Variants in ULK4 observed in about 807,000 individuals in gnomAD.
ULK4 encodes inactive serine/threonine-protein kinase ULK4.
Under a neutral mutation model 160.6 loss-of-function variants are expected in ULK4, and 133 were observed. The ratio of observed to expected loss-of-function variants is 0.83; its 90% CI spans 0.72 to 0.96. The LOEUF (loss-of-function observed/expected upper bound fraction) is 0.96, where lower values mean the gene tolerates loss of function less well. Ranked by LOEUF, ULK4 falls within the 40% of genes least tolerant of loss-of-function variation. The probability of loss-of-function intolerance (pLI) is 0.00; values close to 1 mark genes in which losing one functional copy is unlikely to be tolerated. For synonymous variants in ULK4, 534 were observed against 539.8 expected (o/e 0.99, Z 0.15); for missense variants, 1,580 against 1,499.5 (o/e 1.05, Z -0.89).
rs929532147 is a variant in ULK4 at position 41,279,142 on chromosome 3, G to A, written c.3679-29568C>T. On this transcript the variant is annotated intron_variant, in intron 35 of 36. Coordinates refer to ENST00000301831, the MANE Select transcript of ULK4 (RefSeq NM_017886.4). ...GAAAACCACAGCACAAGAACTTCGT[G>A]ACGCATGCACGAGTTTAAATAGCCA... is the stretch of plus-strand genomic sequence containing the variant. 2.0e-5 allele frequency among the ~76,000 whole-genome samples: 3 copies of A among 151,474 alleles called. No individual in the cohort carries two copies. The East Asian group carries it at 5.9e-4, about 30-fold the overall frequency.
chr3:41,901,708 G>T (rs541293961), intron 12 of ULK4, among the ~76,000 whole-genome samples: 87 of 148,972 alleles, frequency 5.8e-4, no homozygotes, highest in Non-Finnish European at 1.1e-3. Flanking sequence ...TCGAACTCCT[G>T]GTCTCAGGTG....
At chr3:41,800,936 A>C (rs2040440220) in intron 19 of ULK4, among the ~76,000 whole-genome samples, 1 of 152,240 alleles carries the variant, frequency 6.6e-6, no homozygotes, top group Non-Finnish European at 1.5e-5. Flanking sequence ...AATTTTAAAA[A>C]GTTCCGCATC....
chr3:41,646,841 A>G (rs576156439), intron 30 of ULK4, among the ~76,000 whole-genome samples: 1 of 152,334 alleles, frequency 6.6e-6, no homozygotes, highest in East Asian at 1.9e-4. Context: ...AATCAGATAC[A>G]GATTTGGTCT....
intron 19 of ULK4, among the ~76,000 whole-genome samples, chr3:41,803,983 T>A (rs1225297458): frequency 6.6e-6 from 1 of 152,284 alleles, no homozygotes; most frequent in East Asian, 1.9e-4. Context: ...TGATTTATAG[T>A]CCTTTGGGTA....
At chr3:41,598,895 G>T (rs2031872594) in intron 31 of ULK4, among the ~76,000 whole-genome samples, 1 of 152,234 alleles carries the variant, frequency 6.6e-6, no homozygotes, top group Non-Finnish European at 1.5e-5. Context: ...AGAGGTCTGA[G>T]ACAGTTCACT....
At chr3:41,776,372 T>G (rs371323861) in intron 21 of ULK4, among the ~76,000 whole-genome samples, 2 of 150,876 alleles carry the variant, frequency 1.3e-5, no homozygotes, top group Non-Finnish European at 1.5e-5. Context: ...AAGACAGTTA[T>G]GTAAATTTTC....
chr3:41,813,820 G>T (rs1331539193), intron 19 of ULK4, among the ~76,000 whole-genome samples: 1 of 152,312 alleles, frequency 6.6e-6, no homozygotes, highest in South Asian at 2.1e-4. Context: ...AACGTGTGTG[G>T]AACAGAAACG....
At chr3:41,553,706 A>G (rs1280546849) in intron 32 of ULK4, among the ~76,000 whole-genome samples, 1 of 152,118 alleles carries the variant, frequency 6.6e-6, no homozygotes, top group Admixed American at 6.6e-5. Flanking sequence ...GTGAATACAT[A>G]GTAGGTATAT....
chr3:41,896,965 C>T lies in ULK4; in HGVS notation c.1387G>A (p.Asp463Asn). Residue 463 changes from aspartate (D) to asparagine (N), a missense_variant, in exon 15 of 37, where the codon GAC (aspartate) becomes AAC (asparagine). Physicochemically the swap from Asp to Asn is conservative, Grantham distance 23 (BLOSUM62 1). Transcript: ENST00000301831. ...LLFLKDQDWN[D>N]FLQQVCSQID... ...TGCGAGCACACTTGTTGCAAAAAGT[C>T]ATTCCAATCTTGATCTTTCAGAAAT... is the stretch of plus-strand genomic sequence containing the variant. The T allele has an allele frequency of 6.2e-7, 1 of 1,613,210 alleles. No homozygotes were observed. Among genetic ancestry groups the T allele is most frequent in the Non-Finnish European group, 8.5e-7 (1 of 1,179,808 alleles).
intron 15 of ULK4, 29 bp from the exon 16 acceptor site, chr3:41,895,593 A>G: frequency 7.1e-7 from 1 of 1,417,762 alleles, no homozygotes; most frequent in Non-Finnish European, 9.4e-7. Flanking sequence ...GTGTAAAGAA[A>G]AGAAAAAATT....
At chr3:41,919,432 T>G (rs1699105671) in intron 6 of ULK4, among the ~76,000 whole-genome samples, 1 of 151,978 alleles carries the variant, frequency 6.6e-6, no homozygotes, top group South Asian at 2.1e-4. Flanking sequence ...TGAGACCCGC[T>G]CTCTACTAAA....
At chr3:41,344,084 A>T (rs2080746965) in intron 35 of ULK4, among the ~76,000 whole-genome samples, 1 of 152,218 alleles carries the variant, frequency 6.6e-6, no homozygotes, top group South Asian at 2.1e-4. Flanking sequence ...ACTACACTAC[A>T]AGGCTGCAGT....
intron 35 of ULK4, among the ~76,000 whole-genome samples, chr3:41,365,953 A>C (rs781290932): frequency 6.6e-6 from 1 of 152,216 alleles, no homozygotes; most frequent in Non-Finnish European, 1.5e-5. Context: ...ATTGTTCAAA[A>C]ACCATTTGGA....
intron 21 of ULK4, among the ~76,000 whole-genome samples, chr3:41,783,485 G>A (rs555915422): frequency 7.3e-5 from 11 of 151,316 alleles, no homozygotes; most frequent in Non-Finnish European, 1.5e-4. Flanking sequence ...GCAGTGAGCC[G>A]AGATCATGCC....
At chr3:41,390,160 G>T (rs2081923853) in intron 35 of ULK4, among the ~76,000 whole-genome samples, 1 of 152,178 alleles carries the variant, frequency 6.6e-6, no homozygotes, top group South Asian at 2.1e-4. Flanking sequence ...TATTTGCTTA[G>T]AGGTATTTAT....
At chr3:41,804,526 C>T (rs1026563016) in intron 19 of ULK4, among the ~76,000 whole-genome samples, 1 of 151,020 alleles carries the variant, frequency 6.6e-6, no homozygotes, top group African/African-American at 2.4e-5. Flanking sequence ...GTTGCCATTG[C>T]TTTTGGTGTT....
chr3:41,640,597 G>T (rs1404718578), intron 30 of ULK4, among the ~76,000 whole-genome samples: 1 of 151,978 alleles, frequency 6.6e-6, no homozygotes, highest in Non-Finnish European at 1.5e-5. Context: ...GGAAACACAC[G>T]GAGAATCACT....
chr3:41,746,270 C>A (rs2038415165), intron 22 of ULK4, among the ~76,000 whole-genome samples: 8 of 50,196 alleles, frequency 1.6e-4, no homozygotes, highest in African/African-American at 6.0e-4. Context: ...TCCTGGAACC[C>A]ACAAAAAAAA....
At chr3:41,853,754 A>G (rs1422773496) in intron 17 of ULK4, among the ~76,000 whole-genome samples, 1 of 152,150 alleles carries the variant, frequency 6.6e-6, no homozygotes, top group East Asian at 1.9e-4. Flanking sequence ...GAGATCATGG[A>G]CCATGGACTG....
Sources: allele counts gnomAD v4.1 joint callset (sites outside exome capture counted in the v4.1 genomes callset), GRCh38; gene constraint gnomAD v4.1.1; transcripts MANE v1.5; gene names NCBI Gene and HGNC (gene_info 2026-07-23, HGNC 2026-07-21).